ABCA5: variants seen among roughly 807,000 people sequenced by gnomAD.
ABCA5 encodes the protein cholesterol transporter ABCA5.
In ABCA5, 163 loss-of-function variants were observed where a neutral mutation model predicts 206.0. That is an observed-to-expected ratio of 0.79 (90% confidence interval 0.70 to 0.90). ABCA5 has a LOEUF of 0.90. ABCA5 is among the 40% of genes least tolerant of loss of function. The pLI is 0.00. For missense variants in ABCA5, 1,859 were observed against 1,912.9 expected (o/e 0.97, Z 0.53); for synonymous variants, 609 against 613.8 (o/e 0.99, Z 0.11).
chr17:69,288,339 G>A (rs766311560), intron 14 of ABCA5, among the ~76,000 whole-genome samples: 3 of 152,086 alleles, frequency 2.0e-5, no homozygotes, highest in Admixed American at 2.0e-4. Context: ...TACATCAGTT[G>A]TTTCTCTGTT....
intron 18 of ABCA5, among the ~76,000 whole-genome samples, chr17:69,279,633 T>C (rs2144957250): frequency 6.6e-6 from 1 of 152,110 alleles, no homozygotes; most frequent in East Asian, 1.9e-4. Flanking sequence ...CTTCAAACTA[T>C]ACTACAAGGC....
At chr17:69,247,992 T>G (rs1273129859) in intron 38 of ABCA5, among the ~76,000 whole-genome samples, 2 of 152,062 alleles carry the variant, frequency 1.3e-5, no homozygotes. Context: ...GATTTAAGCA[T>G]TCCATATTGC....
chr17:69,326,887 C>G lies in ABCA5; in HGVS notation c.-16+165G>C, dbSNP rs1027429196. 6.6e-6 allele frequency among the ~76,000 whole-genome samples: 1 copy of G among 152,086 alleles called. No individual in the cohort carries two copies. The highest frequency in any genetic ancestry group is 6.5e-5 in the Admixed American group (1 of 15,274). On this transcript the variant is annotated intron_variant, in intron 1 of 38. Transcript: ENST00000392676. The surrounding 1 kb of genome is among the most constrained non-coding windows in gnomAD (Gnocchi z 4.8). The stretch of plus-strand genomic sequence containing the variant: ...GTCTGTTTCCCTCAGCTCGCCGCCT[C>G]TGCCCGCTTCCGAGCCCGCTTCACC...
At chr17:69,293,135 G>A (rs547536748) in intron 11 of ABCA5, among the ~76,000 whole-genome samples, 217 of 151,444 alleles carry the variant, frequency 1.4e-3, no homozygotes, top group Non-Finnish European at 2.0e-3. Flanking sequence ...GTTTAGCAGC[G>A]TGTCAGTCAG....
At chr17:69,271,333 G>T in intron 20 of ABCA5, 44 bp from the exon 21 acceptor site, 2 of 1,557,172 alleles carry the variant, frequency 1.3e-6, no homozygotes. Context: ...GAGTCTAAAC[G>T]AGGCTTTTAG....
chr17:69,274,259 C>T (rs553183082), intron 19 of ABCA5, 131 bp from the exon 20 acceptor site: 3 of 826,252 alleles, frequency 3.6e-6, no homozygotes, highest in East Asian at 2.9e-5. Context: ...GGTTCTGTCA[C>T]CCAGGCTGGA....
chr17:69,279,915 A>G (rs2075373213), intron 18 of ABCA5, among the ~76,000 whole-genome samples: 1 of 152,208 alleles, frequency 6.6e-6, no homozygotes, highest in Non-Finnish European at 1.5e-5. Flanking sequence ...CGTTAGACCT[A>G]AAACCATAAA....
rs142892959 is a variant in ABCA5, at chr17:69,269,340, A to G, written c.3030+1273T>C. Among the ~76,000 whole-genome samples the G allele has an allele frequency of 2.0e-5, 3 of 152,332 alleles. No individual in the cohort carries two copies. In the East Asian group the frequency reaches 5.8e-4, roughly 29 times the overall value. ...GTCTTAAAAGTTTTACTAAAAACAA[A>G]TATTATGCAATATTAACATTTGAAA... On this transcript the variant is annotated intron_variant, in intron 22 of 38. Coordinates refer to ENST00000392676, the MANE Select transcript of ABCA5 (RefSeq NM_172232.4).
intron 2 of ABCA5, among the ~76,000 whole-genome samples, chr17:69,313,553 T>A (rs1424472052): frequency 2.0e-5 from 3 of 152,058 alleles, no homozygotes; most frequent in Non-Finnish European, 4.4e-5. Context: ...TAAATTAAGG[T>A]GACATAAAAG....
intron 22 of ABCA5, chr17:69,268,848 C>A (rs987558985): frequency 2.6e-5 from 4 of 152,146 alleles, no homozygotes; most frequent in African/African-American, 9.7e-5. Context: ...TGAAACCTAG[C>A]CTTCTGAGTT....
chr17:69,255,591 G>A lies in ABCA5; in HGVS notation c.4020C>T (p.Ser1340=). 1 of 1,582,244 alleles carries A rather than the reference G, an allele frequency of 6.3e-7. No homozygotes were observed. The highest frequency in any genetic ancestry group is 8.5e-7 in the Non-Finnish European group (1 of 1,170,890). The part of the protein sequence containing the change: ...GLLGPNGAGK[S]TIINILVGDI... ...CACCAACCAGAATATTAATAATTGT[G>A]CTTTTGCCAGCACCATTTGGACCCA... The change falls in exon 31 of 39, where the codon AGC becomes AGT. Residue 1340 remains serine (S), a synonymous_variant. Coordinates refer to ENST00000392676, the MANE Select transcript of ABCA5 (RefSeq NM_172232.4).
At chr17:69,255,464 C>T in intron 31 of ABCA5, 79 bp downstream of exon 31, 8 of 878,916 alleles carry the variant, frequency 9.1e-6, no homozygotes, top group Non-Finnish European at 1.1e-5. Context: ...AATATAAAAT[C>T]CGAATTTGTC....
chr17:69,297,271 C>T lies in ABCA5; in HGVS notation c.1356G>A (p.Glu452=), dbSNP rs1218500186. The part of the protein sequence containing the change: ...KSKRNYEELS[E]GNVNGNISFS... ...AACTAATATTTCCATTAACATTGCCCTCTGATAACTCCTCATAATTTCTTT... is the reference window on the plus strand; with the variant it reads ...AACTAATATTTCCATTAACATTGCCTTCTGATAACTCCTCATAATTTCTTT... Residue 452 remains glutamate (E), a synonymous_variant, in exon 10 of 39, where the codon GAG becomes GAA. Coordinates refer to ENST00000392676, the MANE Select transcript of ABCA5 (RefSeq NM_172232.4). 6.2e-7 allele frequency: 1 copy of T among 1,612,738 alleles called. No individual in the cohort carries two copies. Among genetic ancestry groups the T allele is most frequent in the Admixed American group, 1.7e-5 (1 of 59,878 alleles).
At chr17:69,312,254 A>G (rs1187422393) in intron 3 of ABCA5, among the ~76,000 whole-genome samples, 1 of 152,126 alleles carries the variant, frequency 6.6e-6, no homozygotes, top group African/African-American at 2.4e-5. Context: ...CACTGCTTAC[A>G]CTGTTTTCTA....
chr17:69,291,646 G>T (rs192142073), intron 11 of ABCA5, among the ~76,000 whole-genome samples: 242 of 152,188 alleles, frequency 1.6e-3, no homozygotes, highest in Non-Finnish European at 2.7e-3. Flanking sequence ...TTGTTCCCAA[G>T]GATATTTATA....
At chr17:69,272,904 T>C (rs1024570664) in intron 20 of ABCA5, among the ~76,000 whole-genome samples, 2 of 152,176 alleles carry the variant, frequency 1.3e-5, no homozygotes, top group Non-Finnish European at 2.9e-5. Context: ...TTTTTTGAAT[T>C]AGTGAATCAA....
chr17:69,313,939 A>T (rs1426234111), intron 2 of ABCA5, among the ~76,000 whole-genome samples: 1 of 152,162 alleles, frequency 6.6e-6, no homozygotes, highest in African/African-American at 2.4e-5. Context: ...CTGTGTCATA[A>T]TATTAATACT....
intron 25 of ABCA5, 26 bp downstream of exon 25, chr17:69,261,609 T>C (rs112400640): frequency 2.4e-5 from 25 of 1,045,360 alleles, no homozygotes; most frequent in South Asian, 1.7e-4. Context: ...CTATGGAAAG[T>C]TGAAATAATG....
chr17:69,309,168 G>A, intron 4 of ABCA5, 94 bp downstream of exon 4: 1 of 966,410 alleles, frequency 1.0e-6, no homozygotes, highest in Non-Finnish European at 1.4e-6. Flanking sequence ...AGTTGAAAAT[G>A]CCAATATTGA....
Sources: gnomAD v4.1 joint callset for allele counts (sites outside exome capture counted in the v4.1 genomes callset) on GRCh38, gnomAD v4.1.1 for gene constraint, Gnocchi (gnomAD v3.1) non-coding constraint, MANE v1.5 for transcripts, NCBI Gene and HGNC (gene_info 2026-07-23, HGNC 2026-07-21) for gene names.